Variants in GALK2 observed in about 807,000 individuals in gnomAD.
GALK2 encodes galactokinase 2.
A neutral mutation model predicts 52.4 loss-of-function variants in GALK2; 36 were observed. The observed-to-expected ratio is 0.69, with a 90% CI of 0.53 to 0.91. GALK2 has a LOEUF of 0.91. Ranked by LOEUF, GALK2 falls within the 40% of genes least tolerant of loss-of-function variation. The pLI is 0.00. For synonymous variants in GALK2, 176 were observed against 199.1 expected (o/e 0.88, Z 0.98); for missense variants, 579 against 559.1 (o/e 1.04, Z -0.36).
chr15:49,284,539 G>T (rs973704699), intron 7 of GALK2, among the ~76,000 whole-genome samples: 1 of 152,164 alleles, frequency 6.6e-6, no homozygotes, highest in Non-Finnish European at 1.5e-5. Context: ...TTCTGGGTCA[G>T]GAGCTCCACT....
At chr15:49,365,390 G>A (rs2044966215) in intron 3 of GALK2, 8 of 1,186,478 alleles carry the variant, frequency 6.7e-6, no homozygotes, top group East Asian at 2.3e-5. Context: ...TATATACGAA[G>A]AACCAGTCTA....
chr15:49,323,241 T>C (rs1423766574), intron 9 of GALK2, among the ~76,000 whole-genome samples: 2 of 152,182 alleles, frequency 1.3e-5, no homozygotes, highest in Non-Finnish European at 2.9e-5. Flanking sequence ...TGGCAAGGCC[T>C]GGTGTGAGCC....
At chr15:49,281,287 T>C (rs1301746874) in intron 5 of GALK2, among the ~76,000 whole-genome samples, 1 of 152,172 alleles carries the variant, frequency 6.6e-6, no homozygotes, top group Non-Finnish European at 1.5e-5. Flanking sequence ...AAGAGACAAA[T>C]CTAACTGGAT....
chr15:49,314,789 T>C (rs1211715173), intron 8 of GALK2, among the ~76,000 whole-genome samples: 1 of 152,190 alleles, frequency 6.6e-6, no homozygotes, highest in South Asian at 2.1e-4. Flanking sequence ...GGAGAAAATA[T>C]GTATGTGTGT....
chr15:49,341,764 T>A (rs1253132307), intron 3 of GALK2, among the ~76,000 whole-genome samples: 2 of 152,216 alleles, frequency 1.3e-5, no homozygotes, highest in Non-Finnish European at 2.9e-5. Context: ...TTCATTTCTT[T>A]TAAATATTTT....
At chr15:49,182,912 A>AT (rs568212868) in intron 1 of GALK2, among the ~76,000 whole-genome samples, 2 of 151,874 alleles carry the variant, frequency 1.3e-5, no homozygotes, top group Non-Finnish European at 2.9e-5. Context: ...GTTTGCAAAT[A>AT]TTTTTTCTCA....
In GALK2 at chr15:49,345,509, C is replaced by T. The variant is rs75299298; in HGVS notation, c.427-21982C>T. ...GACACTTATAACTATAAATTTTTTC[C>T]GAATTAGATAAAACAGAATACTTAG... On this transcript the variant is annotated intron_variant, in intron 3 of 3. Transcript: ENST00000558399. Among the ~76,000 whole-genome samples the T allele has an allele frequency of 5.9e-3, 890 of 152,110 alleles. 42 individuals carry two copies. The East Asian group carries it at 0.12, about 20-fold the overall frequency.
Position 49,329,470 on chromosome 15 carries a change from T to C in GALK2, c.*1311T>C. On this transcript the variant is annotated 3_prime_UTR_variant, in exon 10 of 10. Coordinates refer to ENST00000560031, the MANE Select transcript of GALK2 (RefSeq NM_002044.4). ...TTTCATTAGCTCATTAATGTTTAAC[T>C]CACAGATTGGGCATCACCATCTAGA... The C allele has an allele frequency of 1.0e-6, 1 of 985,232 alleles. No individual in the cohort carries two copies. Among genetic ancestry groups the C allele is most frequent in the Non-Finnish European group, 1.2e-6 (1 of 829,740 alleles). The allele number at this position is 985,232 out of a possible 1,614,324, so 61.0% of individuals were successfully genotyped here.
At chr15:49,161,423 C>G (rs1460098374) in intron 1 of GALK2, among the ~76,000 whole-genome samples, 1 of 152,164 alleles carries the variant, frequency 6.6e-6, no homozygotes, top group Non-Finnish European at 1.5e-5. Context: ...TTTTTCTGTC[C>G]TTAAAAATCC....
At chr15:49,352,119 C>G (rs749352849) in intron 3 of GALK2, among the ~76,000 whole-genome samples, 2 of 152,102 alleles carry the variant, frequency 1.3e-5, no homozygotes, top group African/African-American at 4.8e-5. Context: ...GCTGTGACTG[C>G]TAACTGGAAC....
intron 9 of GALK2, chr15:49,327,744 G>GGACTAGTTTT: frequency 2.3e-6 from 1 of 436,604 alleles, no homozygotes; most frequent in Non-Finnish European, 4.0e-6. Context: ...TCAAAACCAG[G>GGACTAGTTTT]GACTAGATTT....
intron 8 of GALK2, among the ~76,000 whole-genome samples, chr15:49,293,465 T>C (rs1180572140): frequency 6.6e-6 from 1 of 152,264 alleles, no homozygotes; most frequent in East Asian, 1.9e-4. Context: ...CATCTGTTTT[T>C]ATAAAATAAA....
chr15:49,283,688 C>T lies in GALK2; in HGVS notation c.726C>T (p.Ile242=). The change falls in exon 7 of 10, where the codon ATC becomes ATT. Residue 242 remains isoleucine, a synonymous_variant. Transcript: ENST00000560031. ...MNKAATSHFN[I]RVMECRLAAK... Reference sequence around the variant, plus strand: ...AGGCAGCAACTTCCCATTTCAATATCAGGGTGATGGAGTGTCGGCTGGCTG... The same window carrying T: ...AGGCAGCAACTTCCCATTTCAATATTAGGGTGATGGAGTGTCGGCTGGCTG... The T allele has an allele frequency of 1.2e-6, 2 of 1,614,044 alleles. No homozygotes were observed. The highest frequency in any genetic ancestry group is 1.7e-6 in the Non-Finnish European group (2 of 1,179,950).
At chr15:49,183,263 T>C (rs1355721177) in intron 1 of GALK2, among the ~76,000 whole-genome samples, 4 of 152,164 alleles carry the variant, frequency 2.6e-5, no homozygotes, top group Non-Finnish European at 5.9e-5. Context: ...GGTCATTTAT[T>C]TGGTGTTTTT....
At chr15:49,365,772 A>G (rs953654067) in intron 3 of GALK2, 2 of 855,186 alleles carry the variant, frequency 2.3e-6, no homozygotes, top group Non-Finnish European at 4.1e-6. Context: ...TTTGAAACAC[A>G]GCCCAAACAA....
At chr15:49,163,530 C>G (rs1289038244) in intron 1 of GALK2, among the ~76,000 whole-genome samples, 2 of 152,132 alleles carry the variant, frequency 1.3e-5, no homozygotes, top group African/African-American at 4.8e-5. Context: ...TGTGGAGGTT[C>G]ATTAGTTTGC....
chr15:49,209,374 A>G (rs1954121204), intron 2 of GALK2, among the ~76,000 whole-genome samples: 1 of 152,170 alleles, frequency 6.6e-6, no homozygotes, highest in African/African-American at 2.4e-5. Flanking sequence ...TATTTTGAAT[A>G]AGAGTGGTGA....
At chr15:49,215,419 A>G (rs2089291041) in intron 2 of GALK2, among the ~76,000 whole-genome samples, 1 of 151,982 alleles carries the variant, frequency 6.6e-6, no homozygotes, top group Admixed American at 6.5e-5. Flanking sequence ...CATTCTTTTA[A>G]AATTATTTCT....
At chr15:49,296,605 T>C (rs1453970249) in intron 8 of GALK2, among the ~76,000 whole-genome samples, 1 of 58 alleles carries the variant, frequency 0.017, no homozygotes, top group Non-Finnish European at 0.036. Flanking sequence ...TGTCTTTTTC[T>C]TTTTTTTTTT....
Sources: allele counts gnomAD v4.1 joint callset (sites outside exome capture counted in the v4.1 genomes callset), GRCh38; gene constraint gnomAD v4.1.1; transcripts MANE v1.5; gene names NCBI Gene and HGNC (gene_info 2026-07-23, HGNC 2026-07-21).